EFNB2: variants seen among roughly 807,000 people sequenced by gnomAD.
The protein encoded by EFNB2 is ephrin B2.
Under a neutral mutation model 32.1 loss-of-function variants are expected in EFNB2, and 5 were observed. The observed-to-expected ratio is 0.16, with a 90% confidence interval of 0.08 to 0.33. The LOEUF (loss-of-function observed/expected upper bound fraction) is 0.33, where lower values mean the gene tolerates loss of function less well. Among genes scored for constraint, EFNB2 ranks in the 10% least tolerant of loss-of-function variants. The pLI, the probability that EFNB2 is intolerant of heterozygous loss-of-function variation, is 1.00. For synonymous variants in EFNB2, 168 were observed against 166.5 expected, an observed-to-expected ratio of 1.01 and a Z score of -0.07; for missense variants, 263 against 422.6, an observed-to-expected ratio of 0.62 and a Z score of 3.31.
chr13:106,509,372 C>T (rs1879058876), intron 2 of EFNB2, among the ~76,000 whole-genome samples: 1 of 152,166 alleles, frequency 6.6e-6, no homozygotes, highest in African/African-American at 2.4e-5. Context: ...TATTATAACA[C>T]TGCTCGTTCT....
chr13:106,532,078 C>CAA (rs1566464992), intron 1 of EFNB2, among the ~76,000 whole-genome samples: 4 of 38,200 alleles, frequency 1.0e-4, no homozygotes, highest in African/African-American at 3.1e-4. Context: ...AAAAAAAAAA[C>CAA]CAAAACTTTA....
At chr13:106,529,302 C>T (rs1255449837) in intron 1 of EFNB2, among the ~76,000 whole-genome samples, 1 of 152,304 alleles carries the variant, frequency 6.6e-6, no homozygotes, top group Admixed American at 6.5e-5. Context: ...ATTAAGGCAA[C>T]GACCGCGAAG....
At position 106,524,818 on chromosome 13, in the gene EFNB2, G is replaced by C. The variant is rs145742488; in HGVS notation, c.122+10025C>G. Among the ~76,000 whole-genome samples, 215 of 152,294 alleles carry C rather than the reference G, an allele frequency of 1.4e-3. 1 individual carries two copies. Among genetic ancestry groups the C allele is most frequent in the Non-Finnish European group, 2.5e-3 (169 of 68,026 alleles). On this transcript the variant is annotated intron_variant, in intron 1 of 4. Transcript: ENST00000646441. ...AAAGTGTTATTAGAAAGCACCAAAA[G>C]CAGGAAAGCAGAGGAGAGAGAACTT...
chr13:106,493,248 G>A lies in EFNB2; in HGVS notation c.794C>T (p.Thr265Ile). The A allele has an allele frequency of 6.2e-7, 1 of 1,614,208 alleles. No individual in the cohort carries two copies. Among genetic ancestry groups the A allele is most frequent in the Non-Finnish European group, 8.5e-7 (1 of 1,180,038 alleles). The change falls in exon 5 of 5, where the codon ACC (threonine) becomes ATC (isoleucine). Residue 265 changes from threonine (T) to isoleucine (I), a missense_variant. By Grantham distance (89) the Thr-to-Ile change is moderately conservative. Coordinates refer to ENST00000646441, the MANE Select transcript of EFNB2 (RefSeq NM_004093.4). The surrounding 1 kb of genome is among the most constrained non-coding windows in gnomAD (Gnocchi z 6.1). ...GGCCAGTGTGCTGAGCGACAGCGTG[G>A]TCGTGTGCTGCGGCGAGTGCTTCCT... ...RHRKHSPQHT[T>I]TLSLSTLATP...
At chr13:106,505,666 T>C (rs914498803) in intron 2 of EFNB2, among the ~76,000 whole-genome samples, 1 of 152,214 alleles carries the variant, frequency 6.6e-6, no homozygotes, top group Non-Finnish European at 1.5e-5. Context: ...AAGTTTTATC[T>C]TCCTGATGAA....
chr13:106,514,367 T>G (rs1230413773), intron 1 of EFNB2, among the ~76,000 whole-genome samples: 1 of 152,184 alleles, frequency 6.6e-6, no homozygotes, highest in African/African-American at 2.4e-5. Flanking sequence ...CCCCTCAACC[T>G]TGTGAATGGC....
intron 2 of EFNB2, among the ~76,000 whole-genome samples, chr13:106,511,715 T>A (rs778774159): frequency 3.3e-5 from 5 of 152,146 alleles, no homozygotes; most frequent in Non-Finnish European, 7.3e-5. Flanking sequence ...GAAAAAAGAC[T>A]TCATTGCTTG....
intron 2 of EFNB2, among the ~76,000 whole-genome samples, chr13:106,508,607 T>G (rs1030018154): frequency 6.6e-6 from 1 of 152,186 alleles, no homozygotes; most frequent in African/African-American, 2.4e-5. Flanking sequence ...CTCCATGACT[T>G]AGGTGGGGCT....
chr13:106,499,716 G>GA (rs1318637282), intron 2 of EFNB2, among the ~76,000 whole-genome samples: 1 of 151,756 alleles, frequency 6.6e-6, no homozygotes, highest in Non-Finnish European at 1.5e-5. Context: ...CTTGGCTCAG[G>GA]AAAAAAATAG....
intron 2 of EFNB2, among the ~76,000 whole-genome samples, chr13:106,508,896 TC>T (rs1879045023): frequency 6.6e-6 from 1 of 152,190 alleles, no homozygotes; most frequent in Non-Finnish European, 1.5e-5. Context: ...AAATTCATAT[TC>T]ACGTCTGAAA....
At chr13:106,523,105 T>TCAGG (rs1879587120) in intron 1 of EFNB2, among the ~76,000 whole-genome samples, 1 of 152,150 alleles carries the variant, frequency 6.6e-6, no homozygotes, top group East Asian at 1.9e-4. Context: ...GGGCTAGGTC[T>TCAGG]GCTGTGGGCG....
intron 2 of EFNB2, among the ~76,000 whole-genome samples, chr13:106,511,433 A>C (rs1879138750): frequency 6.6e-6 from 1 of 152,184 alleles, no homozygotes; most frequent in Non-Finnish European, 1.5e-5. Context: ...GTGAGCTGTG[A>C]TCATGCCACT....
rs967382666 is a variant in EFNB2, at chr13:106,535,125, G to A, written c.-161C>T. ...GCAGCTCCAGCGGTCGCCGGGCCAG[G>A]TGCGCTCGCTCTCCGGGGCCCTCAG... On this transcript the variant is annotated 5_prime_UTR_variant, in exon 1 of 5. Coordinates refer to ENST00000646441, the MANE Select transcript of EFNB2 (RefSeq NM_004093.4). The A allele has an allele frequency of 1.2e-6, 1 of 854,448 alleles. No homozygotes were observed. Among genetic ancestry groups the A allele is most frequent in the Non-Finnish European group, 1.6e-6 (1 of 642,082 alleles). The allele number at this position is 854,448 out of a possible 1,614,324, so 52.9% of individuals were successfully genotyped here. A position where few individuals can be genotyped will look rare whatever the true frequency, so the allele number is the denominator to read the frequency against.
At chr13:106,515,436 G>C (rs951114293) in intron 1 of EFNB2, among the ~76,000 whole-genome samples, 1 of 152,118 alleles carries the variant, frequency 6.6e-6, no homozygotes, top group African/African-American at 2.4e-5. Context: ...ATGCATATTA[G>C]ATACGCTTGT....
intron 2 of EFNB2, among the ~76,000 whole-genome samples, chr13:106,497,170 C>T (rs1323078733): frequency 6.6e-6 from 1 of 152,150 alleles, no homozygotes; most frequent in East Asian, 1.9e-4. Flanking sequence ...AAATAAGGCA[C>T]TTATTTACTT....
chr13:106,500,498 G>T lies in EFNB2; in HGVS notation c.407-4658C>A, dbSNP rs147313052. On this transcript the variant is annotated intron_variant, in intron 2 of 4. Coordinates refer to ENST00000646441, the MANE Select transcript of EFNB2 (RefSeq NM_004093.4). Reference sequence around the variant, plus strand: ...GTATGGGGCCAGGATGGAGGAGAGGGCAGATGGACACTTGGAAGCAAGTAT... The same window carrying T: ...GTATGGGGCCAGGATGGAGGAGAGGTCAGATGGACACTTGGAAGCAAGTAT... Among the ~76,000 whole-genome samples the T allele has an allele frequency of 5.4e-3, 827 of 152,298 alleles. 5 individuals are homozygous for T. Among genetic ancestry groups the T allele is most frequent in the Non-Finnish European group, 9.1e-3 (622 of 68,014 alleles).
At chr13:106,500,073 A>G (rs537856889) in intron 2 of EFNB2, among the ~76,000 whole-genome samples, 2 of 148,862 alleles carry the variant, frequency 1.3e-5, no homozygotes, top group African/African-American at 5.2e-5. Flanking sequence ...TCTGAGTAGG[A>G]AAAAAAAGAG....
At chr13:106,520,833 C>A (rs780183779) in intron 1 of EFNB2, 1 of 152,142 alleles carries the variant, frequency 6.6e-6, no homozygotes, top group African/African-American at 2.4e-5. Flanking sequence ...CAAGTTTCTA[C>A]GCAGACTTAT....
chr13:106,513,924 T>C (rs1338654228), intron 1 of EFNB2, among the ~76,000 whole-genome samples: 1 of 152,178 alleles, frequency 6.6e-6, no homozygotes, highest in Non-Finnish European at 1.5e-5. Context: ...GCAAGGATGA[T>C]AGGGCACCCC....
Sources: gnomAD v4.1 joint callset for allele counts (sites outside exome capture counted in the v4.1 genomes callset) on GRCh38, gnomAD v4.1.1 for gene constraint, Gnocchi (gnomAD v3.1) non-coding constraint, MANE v1.5 for transcripts, NCBI Gene and HGNC (gene_info 2026-07-23, HGNC 2026-07-21) for gene names.